The following VGLL4 variants were observed in gnomAD, a reference collection of about 807,000 sequenced individuals.
VGLL4 encodes the protein transcription cofactor vestigial-like protein 4.
VGLL4 carries 7 observed loss-of-function variants against 21.0 expected under a neutral mutation model. That is an observed-to-expected ratio of 0.33 (90% CI 0.19 to 0.63). The LOEUF (loss-of-function observed/expected upper bound fraction) is 0.63, where lower values mean the gene tolerates loss of function less well. Ranked by LOEUF, VGLL4 falls within the 20% of genes least tolerant of loss-of-function variation. The probability of loss-of-function intolerance (pLI) is 0.78; values close to 1 mark genes in which losing one functional copy is unlikely to be tolerated. For synonymous variants in VGLL4, 222 were observed against 173.2 expected, an observed-to-expected ratio of 1.28 and a Z score of -2.21; for missense variants, 394 against 425.7, an observed-to-expected ratio of 0.93 and a Z score of 0.66.
intron 1 of VGLL4, among the ~76,000 whole-genome samples, chr3:11,707,786 G>A (rs549184180): frequency 6.6e-6 from 1 of 152,092 alleles, no homozygotes; most frequent in East Asian, 1.9e-4. Flanking sequence ...TTGAAGCCAG[G>A]AGGTCGATGC....
At chr3:11,571,242 C>T (rs952916937) in intron 2 of VGLL4, among the ~76,000 whole-genome samples, 1 of 152,242 alleles carries the variant, frequency 6.6e-6, no homozygotes. Flanking sequence ...GCCTTCTATG[C>T]GTCAGCAACT....
At chr3:11,560,600 G>C (rs113045407) in intron 3 of VGLL4, among the ~76,000 whole-genome samples, 23 of 152,240 alleles carry the variant, frequency 1.5e-4, no homozygotes, top group Admixed American at 1.4e-3. Context: ...GTGGATTCTA[G>C]GATGAAAATG....
At chr3:11,559,964 G>C (rs1318723133) in intron 3 of VGLL4, among the ~76,000 whole-genome samples, 1 of 152,180 alleles carries the variant, frequency 6.6e-6, no homozygotes, top group African/African-American at 2.4e-5. Flanking sequence ...AATCGGGACA[G>C]AGAGGAAATG....
rs1342045079 is a variant in VGLL4, at chr3:11,686,135, ATTTTTAAAAAATT to A, written c.64+16823_64+16835del. Among the ~76,000 whole-genome samples the A allele has an allele frequency of 2.0e-5, 3 of 152,324 alleles. No homozygotes were observed. In the East Asian group the frequency reaches 5.8e-4, roughly 29 times the overall value. ...AAACAGTAGGGCAGTTCCTCAAAAA[ATTTTTAAAAAATT>A]TCCATATGATCCAGCAGCTCTGCTT... is the stretch of plus-strand genomic sequence containing the variant. On this transcript the variant is annotated intron_variant, in intron 2 of 5. Transcript: ENST00000273038.
At chr3:11,708,575 GA>G (rs1339296219) in intron 1 of VGLL4, among the ~76,000 whole-genome samples, 1 of 152,028 alleles carries the variant, frequency 6.6e-6, no homozygotes, top group East Asian at 1.9e-4. Context: ...TTAAGTCCGT[GA>G]AAAGTCCTGG....
At chr3:11,575,806 G>A (rs2074023561) in intron 2 of VGLL4, among the ~76,000 whole-genome samples, 1 of 152,208 alleles carries the variant, frequency 6.6e-6, no homozygotes, top group South Asian at 2.1e-4. Flanking sequence ...TGAGTCTGGG[G>A]CCAACCCCTG....
intron 1 of VGLL4, among the ~76,000 whole-genome samples, chr3:11,613,987 G>A (rs951790510): frequency 9.2e-5 from 14 of 152,198 alleles, no homozygotes; most frequent in African/African-American, 2.7e-4. Flanking sequence ...ACCAGGAGCC[G>A]GCGACGTCAT....
intron 2 of VGLL4, among the ~76,000 whole-genome samples, chr3:11,697,273 G>T (rs1289711334): frequency 6.6e-5 from 9 of 137,328 alleles, no homozygotes; most frequent in South Asian, 4.7e-4. Flanking sequence ...GCTAATTGTG[G>T]TTTTTTTTTT....
intron 1 of VGLL4, among the ~76,000 whole-genome samples, chr3:11,625,605 C>T (rs976453118): frequency 1.3e-5 from 2 of 152,184 alleles, no homozygotes; most frequent in African/African-American, 4.8e-5. Context: ...AACAAAATGG[C>T]ATGTTTTTCT....
chr3:11,597,131 T>A (rs1180534995), intron 2 of VGLL4, among the ~76,000 whole-genome samples: 1 of 152,068 alleles, frequency 6.6e-6, no homozygotes, highest in Non-Finnish European at 1.5e-5. Context: ...ATTCATTCAG[T>A]AAGACAGGAA....
chr3:11,571,163 C>T (rs2073759960), intron 2 of VGLL4, among the ~76,000 whole-genome samples: 3 of 152,196 alleles, frequency 2.0e-5, no homozygotes, highest in Non-Finnish European at 4.4e-5. Flanking sequence ...CAGAGATGAC[C>T]CTGAGGCTCC....
rs1439864996 is a variant in VGLL4 at position 11,557,277 on chromosome 3, A to G, written c.*1279T>C. Reference sequence around the variant, plus strand: ...GTAATAACAGTATAAAGTCAGAGGAATGTATACTGCCTTGGCCCCAGCGTA... The same window carrying G: ...GTAATAACAGTATAAAGTCAGAGGAGTGTATACTGCCTTGGCCCCAGCGTA... On this transcript the variant is annotated 3_prime_UTR_variant, in exon 5 of 5. Transcript: ENST00000430365. 2.0e-5 allele frequency: 3 copies of G among 152,838 alleles called. No homozygotes were observed. The highest frequency in any genetic ancestry group is 4.4e-5 in the Non-Finnish European group (3 of 68,040). The allele number at this position is 152,838 out of a possible 1,614,324, so 9.5% of individuals were successfully genotyped here. A position where few individuals can be genotyped will look rare whatever the true frequency, so the allele number is the denominator to read the frequency against.
chr3:11,681,704 A>G (rs2076373735), intron 2 of VGLL4, among the ~76,000 whole-genome samples: 1 of 152,228 alleles, frequency 6.6e-6, no homozygotes, highest in Non-Finnish European at 1.5e-5. Flanking sequence ...TTTTTAATGA[A>G]GGAAGGGGCC....
chr3:11,707,638 C>T (rs2076781369), intron 1 of VGLL4, among the ~76,000 whole-genome samples: 1 of 151,996 alleles, frequency 6.6e-6, no homozygotes, highest in Non-Finnish European at 1.5e-5. Context: ...TCGCTTGAGC[C>T]CGGGAGTTCC....
At chr3:11,594,107 A>C (rs547987232) in intron 2 of VGLL4, among the ~76,000 whole-genome samples, 1 of 152,366 alleles carries the variant, frequency 6.6e-6, no homozygotes, top group East Asian at 1.9e-4. Context: ...AAAATTATTT[A>C]GCACCTAACA....
At chr3:11,655,274 G>A (rs888877063) in intron 2 of VGLL4, among the ~76,000 whole-genome samples, 2 of 152,158 alleles carry the variant, frequency 1.3e-5, no homozygotes, top group African/African-American at 4.8e-5. Context: ...CCTCCCCTTA[G>A]GGGTCAGGAC....
rs2072762946 is a variant in VGLL4, at chr3:11,559,449, G to A, written c.502C>T (p.Pro168Ser). ...LTPGERQQNR[P>S]SVITCASAGA... is the part of the protein sequence containing the mutation. The stretch of plus-strand genomic sequence containing the variant: ...GCCGAGGCACAGGTGATCACGGAGG[G>A]CCGGTTCTGCGGGGAGGAGGGGTGT... The change falls in exon 4 of 5, where the codon CCC becomes TCC. Residue 168 changes from proline to serine, a missense_variant. Physicochemically the swap from Pro to Ser is moderately conservative, Grantham distance 74. Coordinates refer to ENST00000430365, the MANE Select transcript of VGLL4 (RefSeq NM_001128219.3). 2 of 1,561,566 alleles carry A rather than the reference G, an allele frequency of 1.3e-6. No individual in the cohort carries two copies. The highest frequency in any genetic ancestry group is 1.7e-6 in the Non-Finnish European group (2 of 1,154,054).
At chr3:11,595,728 T>G (rs1210065515) in intron 2 of VGLL4, among the ~76,000 whole-genome samples, 1 of 150,586 alleles carries the variant, frequency 6.6e-6, no homozygotes, top group Non-Finnish European at 1.5e-5. Context: ...CAGTAAACTA[T>G]CACAAGGACA....
intron 2 of VGLL4, among the ~76,000 whole-genome samples, chr3:11,690,956 T>A (rs574751743): frequency 1.3e-4 from 20 of 151,898 alleles, no homozygotes; most frequent in African/African-American, 4.6e-4. Flanking sequence ...AGCAAAAGAG[T>A]ATAAAGAAAA....
Sources: allele counts gnomAD v4.1 joint callset (sites outside exome capture counted in the v4.1 genomes callset), GRCh38; gene constraint gnomAD v4.1.1; transcripts MANE v1.5; gene names NCBI Gene and HGNC (gene_info 2026-07-23, HGNC 2026-07-21).